CLCN2: variants seen among roughly 807,000 people sequenced by gnomAD.
CLCN2 encodes the protein chloride channel protein 2.
CLCN2 carries 72 observed loss-of-function variants against 108.3 expected under a neutral mutation model. The observed-to-expected ratio is 0.66, with a 90% CI of 0.55 to 0.81. The LOEUF is 0.81. Among genes scored for constraint, CLCN2 ranks in the 30% least tolerant of loss-of-function variants. The probability of loss-of-function intolerance (pLI) is 0.00; values close to 1 mark genes in which losing one functional copy is unlikely to be tolerated. For synonymous variants in CLCN2, 471 were observed against 467.1 expected (o/e 1.01, Z -0.11); for missense variants, 1,048 against 1,205.2 (o/e 0.87, Z 1.93).
At chr3:184,352,627 G>A (rs369896860) in intron 19 of CLCN2, 110 bp downstream of exon 19, 65 of 1,459,466 alleles carry the variant, frequency 4.5e-5, no homozygotes, top group South Asian at 1.2e-4. Flanking sequence ...AGGGAGGGCC[G>A]AAGGGCAGGG....
Position 184,355,627 on chromosome 3 carries a change from GGGCTGTTGGCTTT to G in CLCN2, c.1170+54_1170+66del. 6.3e-7 allele frequency: 1 copy of G among 1,598,692 alleles called. No homozygotes were observed. Among genetic ancestry groups the G allele is most frequent in the Non-Finnish European group, 8.6e-7 (1 of 1,166,038 alleles). ...AACAAGGGGTCCCACAGTCACACTGGGGCTGTTGGCTTTGGAGGAATGCCTTCCAAGGGAAAGC... is the reference window on the plus strand; with the variant it reads ...AACAAGGGGTCCCACAGTCACACTGGGGAGGAATGCCTTCCAAGGGAAAGC... On this transcript the variant is annotated intron_variant, in intron 11 of 23. Transcript: ENST00000265593. This position sits in a 1 kb window ranked among gnomAD's most constrained non-coding sequence, Gnocchi z 6.3.
rs183613363 is a variant in CLCN2, at chr3:184,356,428, G to T, written c.1085+565C>A. The stretch of plus-strand genomic sequence containing the variant: ...GGAGGCCAAGGTGGGCAGACCTGAG[G>T]TCGGGAGTTCGAGACCAGCCTGACC... On this transcript the variant is annotated intron_variant, in intron 10 of 23. Coordinates refer to ENST00000265593, the MANE Select transcript of CLCN2 (RefSeq NM_004366.6). 56 of 165,112 alleles carry T rather than the reference G, an allele frequency of 3.4e-4. No individual in the cohort carries two copies. The East Asian group carries it at 3.8e-3, about 11-fold the overall frequency. The allele number at this position is 165,112 out of a possible 1,614,324, so 10.2% of individuals were successfully genotyped here.
intron 5 of CLCN2, 36 bp downstream of exon 5, chr3:184,357,926 C>G (rs1711522120): frequency 6.2e-7 from 1 of 1,613,750 alleles, no homozygotes; most frequent in East Asian, 2.2e-5. Flanking sequence ...CCTCTTCCAC[C>G]AGGAGGGACT....
rs1413743085 is a variant in CLCN2, at chr3:184,355,999, CCT to C, written c.1086-223_1086-222del. 12 of 552,172 alleles carry C rather than the reference CCT, an allele frequency of 2.2e-5. No homozygotes were observed. Among genetic ancestry groups the C allele is most frequent in the South Asian group, 1.6e-4 (8 of 50,848 alleles). 34.2% of individuals were successfully genotyped at this position (552,172 alleles called of 1,614,324 possible). ...TGACCCAAAGACCTTTCTGTCAGCCCCTGACTCTGTAGGTGGGTAGCAGCAGC... is the reference window on the plus strand; with the variant it reads ...TGACCCAAAGACCTTTCTGTCAGCCCGACTCTGTAGGTGGGTAGCAGCAGC... On this transcript the variant is annotated intron_variant, in intron 10 of 23. Transcript: ENST00000265593. This position sits in a 1 kb window ranked among gnomAD's most constrained non-coding sequence, Gnocchi z 6.3.
chr3:184,358,359 G>A, intron 3 of CLCN2, 49 bp from the exon 4 acceptor site: 5 of 1,611,726 alleles, frequency 3.1e-6, no homozygotes, highest in Non-Finnish European at 4.2e-6. Flanking sequence ...CCCACTGCCT[G>A]CCTGGCCAGT....
intron 13 of CLCN2, 74 bp downstream of exon 13, chr3:184,354,830 C>T (rs1191642856): frequency 1.1e-5 from 17 of 1,532,634 alleles, no homozygotes; most frequent in Non-Finnish European, 1.5e-5. Flanking sequence ...CGCTCTTGGG[C>T]AGAGGGTTGG....
At chr3:184,353,631 C>A (rs754997758) in intron 16 of CLCN2, 31 bp downstream of exon 16, 1 of 1,611,024 alleles carries the variant, frequency 6.2e-7, no homozygotes. Flanking sequence ...TGGGCAATGC[C>A]CCTAGCACCT....
Position 184,347,020 on chromosome 3 carries a change from GTC to G in CLCN2, c.2416-1_2416del. 6.2e-7 allele frequency: 1 copy of G among 1,613,472 alleles called. No individual in the cohort carries two copies. The highest frequency in any genetic ancestry group is 2.2e-5 in the East Asian group (1 of 44,874). ...TCCCAGCAGTGAGAAGATAGTGTGA[GTC>G]TGCAGTGTGGGGAGAAAAGCGATTG... On this transcript the variant is annotated splice_acceptor_variant and coding_sequence_variant, in exon 23 of 24. Transcript: ENST00000265593. LOFTEE classifies it high-confidence loss of function.
chr3:184,358,485 A>G, intron 3 of CLCN2, 175 bp from the exon 4 acceptor site: 1 of 1,114,806 alleles, frequency 9.0e-7, no homozygotes, highest in Non-Finnish European at 1.3e-6. Context: ...AGGCAAGAGG[A>G]TCACTTGGAG....
At position 184,346,920 on chromosome 3, in the gene CLCN2, C is replaced by G. The variant is rs754175600; in HGVS notation, c.2502+15G>C. 2.5e-6 allele frequency: 4 copies of G among 1,612,652 alleles called. No homozygotes were observed. In the Admixed American group the frequency reaches 5.0e-5, roughly 20 times the overall value. On this transcript the variant is annotated intron_variant, in intron 23 of 23. Transcript: ENST00000265593. This position sits in a 1 kb window ranked among gnomAD's most constrained non-coding sequence, Gnocchi z 6.0. The stretch of plus-strand genomic sequence containing the variant: ...TTTGGAAGTGGAGCAGCTTTGGAGG[C>G]CACCATCACCTCACCTCCTTTAGAG...
Position 184,357,382 on chromosome 3 carries a change from G to A in CLCN2, c.878C>T (p.Ala293Val). 1 of 1,614,076 alleles carries A rather than the reference G, an allele frequency of 6.2e-7. No homozygotes were observed. The highest frequency in any genetic ancestry group is 8.5e-7 in the Non-Finnish European group (1 of 1,180,016). Reference protein sequence around the residue: ...TFSAFIFRVLAVWNRDEETIT... With the variant: ...TFSAFIFRVLVVWNRDEETIT... Reference sequence around the variant, plus strand: ...CCCACCTTCATCCCGGTTCCAGACTGCCAAGACCCGGAAGATGAAGGCACT... The same window carrying A: ...CCCACCTTCATCCCGGTTCCAGACTACCAAGACCCGGAAGATGAAGGCACT... Residue 293 changes from alanine (A) to valine (V), a missense_variant, in exon 8 of 24, where the codon GCA becomes GTA. Transcript: ENST00000265593.
Position 184,347,022 on chromosome 3 carries a change from C to T in CLCN2, c.2416-1G>A, listed in dbSNP as rs949598785. The stretch of plus-strand genomic sequence containing the variant: ...CCAGCAGTGAGAAGATAGTGTGAGT[C>T]TGCAGTGTGGGGAGAAAAGCGATTG... On this transcript the variant is annotated splice_acceptor_variant, in intron 22 of 23. Transcript: ENST00000265593. LOFTEE classifies it high-confidence loss of function. The T allele has an allele frequency of 6.2e-7, 1 of 1,613,390 alleles. No homozygotes were observed. The highest frequency in any genetic ancestry group is 8.5e-7 in the Non-Finnish European group (1 of 1,179,370).
In CLCN2 at chr3:184,361,442, C is replaced by A; in HGVS notation, c.38G>T (p.Arg13Leu). ...CAGGGTCTGCTCGTACTGCAGCGCCCGTGGCTCCATCCCTTCCTCCGCCGC... is the reference window on the plus strand; with the variant it reads ...CAGGGTCTGCTCGTACTGCAGCGCCAGTGGCTCCATCCCTTCCTCCGCCGC... ...AAAAEEGMEPRALQYEQTLMY... is the reference protein window; with the variant it reads ...AAAAEEGMEPLALQYEQTLMY... The change falls in exon 1 of 24, where the codon CGG becomes CTG. Residue 13 changes from arginine (R) to leucine (L), a missense_variant. Transcript: ENST00000265593. This position sits in a 1 kb window ranked among gnomAD's most constrained non-coding sequence, Gnocchi z 6.6. 1.2e-6 allele frequency: 2 copies of A among 1,613,400 alleles called. No homozygotes were observed. The highest frequency in any genetic ancestry group is 1.7e-6 in the Non-Finnish European group (2 of 1,179,984).
chr3:184,358,214 C>A lies in CLCN2; in HGVS notation c.449G>T (p.Gly150Val), dbSNP rs781595916. 6.2e-7 allele frequency: 1 copy of A among 1,614,152 alleles called. No individual in the cohort carries two copies. Among genetic ancestry groups the A allele is most frequent in the Non-Finnish European group, 8.5e-7 (1 of 1,180,022 alleles). The change falls in exon 4 of 24, where the codon GGA becomes GTA. Residue 150 changes from glycine (G) to valine (V), a missense_variant. Transcript: ENST00000265593. ...CTGAGGGGCCAGGATCTGTGTGAAT[C>A]CGGCTGAGAAAGTGATGAGGACAAC... is the stretch of plus-strand genomic sequence containing the variant. ...YPVVLITFSAGFTQILAPQAV... is the reference protein window; with the variant it reads ...YPVVLITFSAVFTQILAPQAV...
intron 7 of CLCN2, 40 bp from the exon 8 acceptor site, chr3:184,357,527 T>C: frequency 6.2e-7 from 1 of 1,614,044 alleles, no homozygotes; most frequent in Non-Finnish European, 8.5e-7. Flanking sequence ...GGCCTGGGCC[T>C]GGCCTAAGGC....
chr3:184,360,914 G>A (rs1156656025), intron 1 of CLCN2, among the ~76,000 whole-genome samples: 4 of 152,230 alleles, frequency 2.6e-5, no homozygotes, highest in African/African-American at 9.6e-5. Flanking sequence ...CAACTGAGGG[G>A]CTCCTGGAGC....
intron 19 of CLCN2, 26 bp downstream of exon 19, chr3:184,352,711 T>C (rs1336019655): frequency 6.2e-7 from 1 of 1,611,452 alleles, no homozygotes; most frequent in Non-Finnish European, 8.5e-7. Context: ...AAAAGCAAGC[T>C]AGGAGGACAG....
In CLCN2 at chr3:184,361,169, T is replaced by G. The variant is rs1418571547; in HGVS notation, c.63+248A>C. Among the ~76,000 whole-genome samples, 1 of 152,098 alleles carries G rather than the reference T, an allele frequency of 6.6e-6. No homozygotes were observed. Among genetic ancestry groups the G allele is most frequent in the South Asian group, 2.1e-4 (1 of 4,832 alleles). On this transcript the variant is annotated intron_variant, in intron 1 of 23. Transcript: ENST00000265593. This position sits in a 1 kb window ranked among gnomAD's most constrained non-coding sequence, Gnocchi z 6.6. ...CAAAGAAAACGTGCATGTTGTGGGGTGAGGGGAAGGACACCTGAGACAAGT... is the reference window on the plus strand; with the variant it reads ...CAAAGAAAACGTGCATGTTGTGGGGGGAGGGGAAGGACACCTGAGACAAGT...
At position 184,353,782 on chromosome 3, in the gene CLCN2, G is replaced by A. The variant is rs751359548; in HGVS notation, c.1735C>T (p.Arg579Cys). 9 of 1,606,104 alleles carry A rather than the reference G, an allele frequency of 5.6e-6. No individual in the cohort carries two copies. The highest frequency in any genetic ancestry group is 5.3e-5 in the African/African-American group (4 of 74,828). Residue 579 changes from arginine to cysteine, a missense_variant, in exon 16 of 24, where the codon CGT becomes TGT. Arg to Cys is a radical substitution (Grantham distance 180). Coordinates refer to ENST00000265593, the MANE Select transcript of CLCN2 (RefSeq NM_004366.6). ...TCCCGCACCATGATGTCCTCCACAC[G>A]CACCCGGTACTGCCTGGGGGCCGAG... The part of the protein sequence containing the change: ...GWGRHQQYRV[R>C]VEDIMVRDVP...
Sources: allele counts gnomAD v4.1 joint callset (sites outside exome capture counted in the v4.1 genomes callset), GRCh38; gene constraint gnomAD v4.1.1; non-coding constraint Gnocchi (gnomAD v3.1); transcripts MANE v1.5; gene names NCBI Gene and HGNC (gene_info 2026-07-23, HGNC 2026-07-21).